The following PRKCH variants were observed in gnomAD, a reference collection of about 807,000 sequenced individuals.
The protein encoded by PRKCH is protein kinase C eta type.
Under a neutral mutation model 82.5 loss-of-function variants are expected in PRKCH, and 28 were observed. The ratio of observed to expected loss-of-function variants is 0.34; its 90% CI spans 0.25 to 0.47. The LOEUF (loss-of-function observed/expected upper bound fraction) is 0.47, where lower values mean the gene tolerates loss of function less well. Ranked by LOEUF, PRKCH falls within the 20% of genes least tolerant of loss-of-function variation. The pLI is 1.00. For missense variants in PRKCH, 705 were observed against 881.8 expected, an observed-to-expected ratio of 0.80 and a Z score of 2.54; for synonymous variants, 322 against 327.4, an observed-to-expected ratio of 0.98 and a Z score of 0.18.
chr14:61,414,263 CTTCA>C (rs1271417915), intron 2 of PRKCH, among the ~76,000 whole-genome samples: 2 of 151,482 alleles, frequency 1.3e-5, no homozygotes, highest in African/African-American at 2.4e-5. Flanking sequence ...TCTCAATGGG[CTTCA>C]TTTAATCTTT....
chr14:61,450,721 A>C lies in PRKCH; in HGVS notation c.703-121A>C, dbSNP rs150505408. On this transcript the variant is annotated intron_variant, in intron 5 of 13. Coordinates refer to ENST00000332981, the MANE Select transcript of PRKCH (RefSeq NM_006255.5). ...ATTAATCAGGGCTGAGTACAGTAAAATAATATACCTAGCTCAGGTGTCATA... is the reference window on the plus strand; with the variant it reads ...ATTAATCAGGGCTGAGTACAGTAAACTAATATACCTAGCTCAGGTGTCATA... 33 of 1,203,894 alleles carry C rather than the reference A, an allele frequency of 2.7e-5. No homozygotes were observed. In the East Asian group the frequency reaches 8.0e-4, roughly 29 times the overall value. 74.6% of individuals were successfully genotyped at this position (1,203,894 alleles called of 1,614,324 possible).
At chr14:61,253,640 A>G (rs1196364398) in intron 1 of PRKCH, among the ~76,000 whole-genome samples, 3 of 152,212 alleles carry the variant, frequency 2.0e-5, no homozygotes, top group Non-Finnish European at 2.9e-5. Flanking sequence ...TTTCAGGGGC[A>G]CAGCAAAGGC....
chr14:61,309,718 A>G (rs532896479), intron 1 of PRKCH, among the ~76,000 whole-genome samples: 50 of 152,326 alleles, frequency 3.3e-4, no homozygotes, highest in Non-Finnish European at 6.3e-4. Context: ...AAGGTCATGA[A>G]TGGAAGATCT....
chr14:61,319,206 GC>G (rs1182815635), upstream of PRKCH, among the ~76,000 whole-genome samples: 1 of 152,176 alleles, frequency 6.6e-6, no homozygotes, highest in African/African-American at 2.4e-5. Context: ...CACGTAGGGT[GC>G]TTTTGGTTCC....
At chr14:61,251,013 G>A (rs1416632326) in intron 1 of PRKCH, among the ~76,000 whole-genome samples, 1 of 152,164 alleles carries the variant, frequency 6.6e-6, no homozygotes, top group South Asian at 2.1e-4. Flanking sequence ...TGAGAGGTTT[G>A]GAGTAGTCAA....
intron 1 of PRKCH, among the ~76,000 whole-genome samples, chr14:61,200,296 T>A (rs1478910786): frequency 2.0e-5 from 3 of 152,188 alleles, no homozygotes; most frequent in Non-Finnish European, 4.4e-5. Context: ...GAAAAGTCCC[T>A]AGACTCTTCA....
chr14:61,518,497 C>G (rs1246261953), intron 10 of PRKCH, among the ~76,000 whole-genome samples: 1 of 151,608 alleles, frequency 6.6e-6, no homozygotes, highest in Non-Finnish European at 1.5e-5. Context: ...AGTTTGATGG[C>G]TCATTTATTT....
At chr14:61,284,830 T>G (rs2045300408) in intron 1 of PRKCH, among the ~76,000 whole-genome samples, 1 of 152,240 alleles carries the variant, frequency 6.6e-6, no homozygotes, top group Non-Finnish European at 1.5e-5. Flanking sequence ...TTTTTTCATT[T>G]TATCTCCCAG....
chr14:61,397,058 C>T (rs940653278), intron 2 of PRKCH, among the ~76,000 whole-genome samples: 1 of 152,058 alleles, frequency 6.6e-6, no homozygotes, highest in Non-Finnish European at 1.5e-5. Flanking sequence ...GTTGATAAGA[C>T]TAGATCTAAG....
chr14:61,530,316 A>G (rs541416049), intron 11 of PRKCH, 91 bp from the exon 12 acceptor site: 2 of 1,330,608 alleles, frequency 1.5e-6, no homozygotes, highest in African/African-American at 1.5e-5. Context: ...AAACTTTGAT[A>G]TTTCCTAATG....
At chr14:61,502,078 T>TTCGAGA (rs1886941199) in intron 10 of PRKCH, among the ~76,000 whole-genome samples, 1 of 140,872 alleles carries the variant, frequency 7.1e-6, no homozygotes, top group African/African-American at 2.7e-5. Flanking sequence ...TTTTTTTTTT[T>TTCGAGA]TTTTCCGAGA....
chr14:61,383,590 C>A (rs904422918), intron 1 of PRKCH, among the ~76,000 whole-genome samples: 1 of 152,050 alleles, frequency 6.6e-6, no homozygotes, highest in African/African-American at 2.4e-5. Context: ...ATCTTCTGTG[C>A]TCGGTAACCC....
chr14:61,294,790 C>A (rs549415909), intron 1 of PRKCH, among the ~76,000 whole-genome samples: 16 of 151,576 alleles, frequency 1.1e-4, no homozygotes, highest in South Asian at 2.1e-4. Context: ...ATGCACCCCC[C>A]GCAAAAAAAA....
intron 2 of PRKCH, among the ~76,000 whole-genome samples, chr14:61,426,271 A>G (rs924452596): frequency 3.9e-5 from 6 of 152,196 alleles, no homozygotes; most frequent in African/African-American, 1.2e-4. Context: ...CCTTCTACCC[A>G]TGGCCTACAC....
At chr14:61,485,203 T>G (rs1401566900) in intron 9 of PRKCH, among the ~76,000 whole-genome samples, 1 of 152,190 alleles carries the variant, frequency 6.6e-6, no homozygotes, top group African/African-American at 2.4e-5. Context: ...TACATGACCT[T>G]TAAGGTACAG....
At chr14:61,393,914 T>C (rs986346328) in intron 2 of PRKCH, among the ~76,000 whole-genome samples, 35 of 152,372 alleles carry the variant, frequency 2.3e-4, no homozygotes, top group African/African-American at 7.0e-4. Flanking sequence ...CTAGTTTGTA[T>C]GTGTTTTTGG....
chr14:61,234,595 C>T lies in PRKCH; in HGVS notation c.-19+46927C>T, dbSNP rs533315279. Among the ~76,000 whole-genome samples, 11 of 152,304 alleles carry T rather than the reference C, an allele frequency of 7.2e-5. No homozygotes were observed. In the East Asian group the frequency reaches 2.1e-3, roughly 29 times the overall value. Reference sequence around the variant, plus strand: ...ACAACCAATATTTTAATTGCATGTTCCACTTCTCTGTTAAACTATTACTCT... The same window carrying T: ...ACAACCAATATTTTAATTGCATGTTTCACTTCTCTGTTAAACTATTACTCT... On this transcript the variant is annotated intron_variant, in intron 1 of 3. Transcript: ENST00000555185.
intron 1 of PRKCH, among the ~76,000 whole-genome samples, chr14:61,202,883 C>T (rs1396753723): frequency 6.6e-6 from 1 of 151,934 alleles, no homozygotes; most frequent in African/African-American, 2.4e-5. Context: ...TATCATGAAC[C>T]AAAGTTCATG....
At chr14:61,517,480 G>C (rs573263795) in intron 10 of PRKCH, among the ~76,000 whole-genome samples, 3 of 152,304 alleles carry the variant, frequency 2.0e-5, no homozygotes, top group African/African-American at 7.2e-5. Flanking sequence ...AGGCTAAGAC[G>C]TCTGATTACT....
Sources: allele counts gnomAD v4.1 joint callset (sites outside exome capture counted in the v4.1 genomes callset), GRCh38; gene constraint gnomAD v4.1.1; transcripts MANE v1.5; gene names NCBI Gene and HGNC (gene_info 2026-07-23, HGNC 2026-07-21).